The following ATP6V0D1 variants were observed in gnomAD, a reference collection of about 807,000 sequenced individuals.
The protein encoded by ATP6V0D1 is V-type proton ATPase subunit d 1.
ATP6V0D1 carries 13 observed loss-of-function variants against 39.0 expected under a neutral mutation model. The ratio of observed to expected loss-of-function variants is 0.33; its 90% CI spans 0.22 to 0.53. ATP6V0D1 has a LOEUF of 0.53. Ranked by LOEUF, ATP6V0D1 falls within the 20% of genes least tolerant of loss-of-function variation. The pLI, the probability that ATP6V0D1 is intolerant of heterozygous loss-of-function variation, is 0.94. For synonymous variants in ATP6V0D1, 191 were observed against 191.2 expected (o/e 1.00, Z 0.01); for missense variants, 272 against 470.9 (o/e 0.58, Z 3.91).
At chr16:67,445,349 G>A (rs1409617961) in intron 2 of ATP6V0D1, among the ~76,000 whole-genome samples, 2 of 152,122 alleles carry the variant, frequency 1.3e-5, no homozygotes, top group African/African-American at 4.8e-5. Context: ...ATCCAGTTAG[G>A]GTCACTCTGT....
chr16:67,481,123 C>A lies in ATP6V0D1; in HGVS notation c.-37G>T. 2 of 1,611,690 alleles carry A rather than the reference C, an allele frequency of 1.2e-6. 1 individual carries two copies. Among genetic ancestry groups the A allele is most frequent in the Middle Eastern group, 3.3e-4 (2 of 6,050 alleles). Reference sequence around the variant, plus strand: ...GAGCGGCGGGACCGGAGAACCAGGACCGGCCGGCACGAATCGCGACTCCCC... The same window carrying A: ...GAGCGGCGGGACCGGAGAACCAGGAACGGCCGGCACGAATCGCGACTCCCC... On this transcript the variant is annotated 5_prime_UTR_variant, in exon 1 of 8. Transcript: ENST00000290949.
intron 1 of ATP6V0D1, among the ~76,000 whole-genome samples, chr16:67,458,541 G>T (rs2041261958): frequency 6.6e-6 from 1 of 152,172 alleles, no homozygotes; most frequent in South Asian, 2.1e-4. Context: ...GTTCTGGCTA[G>T]CACAGACTCG....
intron 1 of ATP6V0D1, among the ~76,000 whole-genome samples, chr16:67,473,498 G>A (rs1216333127): frequency 6.6e-6 from 1 of 151,580 alleles, no homozygotes. Context: ...ACAGGTGCCC[G>A]CCACTACGCC....
chr16:67,466,172 G>A (rs2041327491), intron 1 of ATP6V0D1, among the ~76,000 whole-genome samples: 1 of 152,132 alleles, frequency 6.6e-6, no homozygotes, highest in Non-Finnish European at 1.5e-5. Context: ...GAGCTATGCA[G>A]GAATGTCTCA....
intron 1 of ATP6V0D1, among the ~76,000 whole-genome samples, chr16:67,471,974 C>G (rs919743741): frequency 1.3e-5 from 2 of 152,110 alleles, no homozygotes; most frequent in African/African-American, 4.8e-5. Flanking sequence ...TACCACCAAC[C>G]CTACCTCCTC....
chr16:67,474,004 C>T (rs1446700627), intron 1 of ATP6V0D1, among the ~76,000 whole-genome samples: 1 of 152,180 alleles, frequency 6.6e-6, no homozygotes, highest in African/African-American at 2.4e-5. Flanking sequence ...TACCCATTAA[C>T]CGTCACCCAC....
At position 67,438,707 on chromosome 16, in the gene ATP6V0D1, T is replaced by A; in HGVS notation, c.895-18A>T. The A allele has an allele frequency of 6.2e-7, 1 of 1,614,202 alleles. No homozygotes were observed. Among genetic ancestry groups the A allele is most frequent in the Non-Finnish European group, 8.5e-7 (1 of 1,180,012 alleles). ...AGCTTTACCTGTGGACACGGGCAGATGTGGTGTCCAGGTGGCCATGGCCAC... is the reference window on the plus strand; with the variant it reads ...AGCTTTACCTGTGGACACGGGCAGAAGTGGTGTCCAGGTGGCCATGGCCAC... On this transcript the variant is annotated intron_variant, in intron 7 of 7. Transcript: ENST00000290949.
chr16:67,480,298 C>T (rs921686225), intron 1 of ATP6V0D1, among the ~76,000 whole-genome samples: 3 of 151,986 alleles, frequency 2.0e-5, no homozygotes, highest in Non-Finnish European at 2.9e-5. Context: ...TGCTCAGAAA[C>T]CCTGTCCCAA....
At position 67,444,376 on chromosome 16, in the gene ATP6V0D1, G is replaced by GGTGA. The variant is rs1490425496; in HGVS notation, c.481+151_481+152insTCAC. ...GAGGGGTGAAGTGAGGAGAGAATCGGAGGAGGAAGTTGAAGGGAGACAAAG... is the reference window on the plus strand; with the variant it reads ...GAGGGGTGAAGTGAGGAGAGAATCGGGTGAAGGAGGAAGTTGAAGGGAGACAAAG... On this transcript the variant is annotated intron_variant, in intron 3 of 7. Transcript: ENST00000290949. This position sits in a 1 kb window ranked among gnomAD's most constrained non-coding sequence, Gnocchi z 4.8. 6 of 804,102 alleles carry GGTGA rather than the reference G, an allele frequency of 7.5e-6. No homozygotes were observed. The highest frequency in any genetic ancestry group is 3.5e-5 in the African/African-American group (2 of 57,156). The allele number at this position is 804,102 out of a possible 1,614,324, so 49.8% of individuals were successfully genotyped here.
At chr16:67,449,255 G>A (rs1056750009) in intron 2 of ATP6V0D1, among the ~76,000 whole-genome samples, 1 of 152,200 alleles carries the variant, frequency 6.6e-6, no homozygotes, top group Non-Finnish European at 1.5e-5. Context: ...CCCCTCCAGG[G>A]AGGCTCACTC....
At chr16:67,439,656 C>A in intron 4 of ATP6V0D1, 1 of 432,312 alleles carries the variant, frequency 2.3e-6, no homozygotes. Context: ...CGCAGGGGTC[C>A]TCTGACTTTC....
intron 1 of ATP6V0D1, chr16:67,459,171 T>C (rs2041269051): frequency 2.0e-6 from 2 of 985,430 alleles, no homozygotes; most frequent in African/African-American, 1.7e-5. Flanking sequence ...CTCCAGCAAG[T>C]GCTCCAGGGA....
At chr16:67,480,162 G>A (rs2041455245) in intron 1 of ATP6V0D1, among the ~76,000 whole-genome samples, 1 of 96,970 alleles carries the variant, frequency 1.0e-5, no homozygotes, top group East Asian at 2.2e-4. Context: ...TCCCGCCACT[G>A]CACTCCAGCC....
intron 2 of ATP6V0D1, among the ~76,000 whole-genome samples, chr16:67,451,078 G>C (rs2041174301): frequency 6.6e-6 from 1 of 152,206 alleles, no homozygotes; most frequent in Admixed American, 6.5e-5. Flanking sequence ...GGTAGAGCCA[G>C]AGGCTGCCAG....
intron 1 of ATP6V0D1, among the ~76,000 whole-genome samples, chr16:67,459,380 G>C (rs566646692): frequency 6.6e-6 from 1 of 152,210 alleles, no homozygotes; most frequent in Non-Finnish European, 1.5e-5. Context: ...TCCAGCAGGG[G>C]CAGCTGAGGT....
intron 1 of ATP6V0D1, among the ~76,000 whole-genome samples, chr16:67,476,554 A>T (rs1044954689): frequency 6.6e-6 from 1 of 152,216 alleles, no homozygotes; most frequent in African/African-American, 2.4e-5. Flanking sequence ...GTATCTCAGG[A>T]TAACTAAGTA....
Position 67,438,887 on chromosome 16 carries a change from G to A in ATP6V0D1, c.817-17C>T, listed in dbSNP as rs772264038. On this transcript the variant is annotated splice_polypyrimidine_tract_variant and intron_variant, in intron 6 of 7. Coordinates refer to ENST00000290949, the MANE Select transcript of ATP6V0D1 (RefSeq NM_004691.5). ...CTTGTACTCCTGGCCAGGGGGGTGGGGGGAAGCACAAGCATGAGGGTTCTG... is the reference window on the plus strand; with the variant it reads ...CTTGTACTCCTGGCCAGGGGGGTGGAGGGAAGCACAAGCATGAGGGTTCTG... The A allele has an allele frequency of 3.1e-6, 5 of 1,613,648 alleles. No homozygotes were observed. The highest frequency in any genetic ancestry group is 1.7e-5 in the Admixed American group (1 of 60,016).
Position 67,453,334 on chromosome 16 carries a change from G to A in ATP6V0D1, c.302+210C>T, listed in dbSNP as rs2142313050. 6.6e-6 allele frequency among the ~76,000 whole-genome samples: 1 copy of A among 152,314 alleles called. No individual in the cohort carries two copies. The highest frequency in any genetic ancestry group is 1.9e-4 in the East Asian group (1 of 5,178). On this transcript the variant is annotated intron_variant, in intron 2 of 7. Transcript: ENST00000290949. The surrounding 1 kb of genome is among the most constrained non-coding windows in gnomAD (Gnocchi z 4.1). ...TGACCCATTTCATAGGTGGTGGCCT[G>A]GAAGTCCAGGGTTGTTGAATGACCA...
Position 67,453,514 on chromosome 16 carries a change from AGAG to A in ATP6V0D1, c.302+27_302+29del, listed in dbSNP as rs2041205049. The A allele has an allele frequency of 3.7e-6, 6 of 1,611,068 alleles. No homozygotes were observed. Among genetic ancestry groups the A allele is most frequent in the Non-Finnish European group, 5.1e-6 (6 of 1,177,828 alleles). On this transcript the variant is annotated intron_variant, in intron 2 of 7. Transcript: ENST00000290949. The surrounding 1 kb of genome is among the most constrained non-coding windows in gnomAD (Gnocchi z 4.1). The stretch of plus-strand genomic sequence containing the variant: ...CAGGTGTAGCTATCCTGCCCAGGTA[AGAG>A]AAGAAGGCGCTACAAAGCACACTCA...
Sources: gnomAD v4.1 joint callset for allele counts (sites outside exome capture counted in the v4.1 genomes callset) on GRCh38, gnomAD v4.1.1 for gene constraint, Gnocchi (gnomAD v3.1) non-coding constraint, MANE v1.5 for transcripts, NCBI Gene and HGNC (gene_info 2026-07-23, HGNC 2026-07-21) for gene names.